The following CLASP1 variants were observed in gnomAD, a reference collection of about 807,000 sequenced individuals.
CLASP1 encodes CLIP-associating protein 1.
In CLASP1, 38 loss-of-function variants were observed where a neutral mutation model predicts 192.3. The observed-to-expected ratio is 0.20, with a 90% CI of 0.15 to 0.26. CLASP1 has a LOEUF of 0.26. Among genes scored for constraint, CLASP1 ranks in the 10% least tolerant of loss-of-function variants. The pLI, the probability that CLASP1 is intolerant of heterozygous loss-of-function variation, is 1.00. For missense variants in CLASP1, 1,433 were observed against 1,932.5 expected (o/e 0.74, Z 4.85); for synonymous variants, 691 against 712.8 (o/e 0.97, Z 0.49).
exon 19 of CLASP1, chr2:121,447,434 G>C: frequency 6.4e-7 from 1 of 1,563,644 alleles, no homozygotes; most frequent in Non-Finnish European, 8.7e-7. Flanking sequence ...TGGCTGCTGC[G>C]TTCACATCAA....
At chr2:121,537,393 AAG>A (rs2095116678) in intron 2 of CLASP1, among the ~76,000 whole-genome samples, 1 of 151,578 alleles carries the variant, frequency 6.6e-6, no homozygotes, top group Admixed American at 6.6e-5. Flanking sequence ...TCCTGTGTCC[AAG>A]AAAAAAAAAA....
intron 24 of CLASP1, among the ~76,000 whole-genome samples, chr2:121,408,089 C>T (rs578136206): frequency 1.1e-4 from 17 of 152,180 alleles, no homozygotes; most frequent in Non-Finnish European, 1.5e-4. Flanking sequence ...ACCTATCATA[C>T]AGGCTTGTTG....
At chr2:121,511,563 G>C (rs1482227727) in intron 7 of CLASP1, among the ~76,000 whole-genome samples, 4 of 151,424 alleles carry the variant, frequency 2.6e-5, no homozygotes, top group Admixed American at 2.6e-4. Context: ...ACTCCAGTCT[G>C]GGCAACAAGA....
At chr2:121,608,166 G>A (rs528998229) in intron 1 of CLASP1, among the ~76,000 whole-genome samples, 1 of 152,162 alleles carries the variant, frequency 6.6e-6, no homozygotes, top group Non-Finnish European at 1.5e-5. Context: ...AATACTTGCA[G>A]TTCCTTTATC....
chr2:121,369,157 T>C (rs2068056665), intron 34 of CLASP1, among the ~76,000 whole-genome samples: 1 of 152,238 alleles, frequency 6.6e-6, no homozygotes, highest in Admixed American at 6.5e-5. Flanking sequence ...TTGGCTCTTG[T>C]GAATAATGCT....
At chr2:121,436,362 A>AT (rs2082318428) in intron 19 of CLASP1, among the ~76,000 whole-genome samples, 1 of 143,980 alleles carries the variant, frequency 6.9e-6, no homozygotes, top group Non-Finnish European at 1.5e-5. Context: ...CAGATTTTTT[A>AT]TTTTTGTCTT....
chr2:121,555,134 C>T (rs1575940869), intron 2 of CLASP1, among the ~76,000 whole-genome samples: 2 of 152,214 alleles, frequency 1.3e-5, no homozygotes, highest in East Asian at 1.9e-4. Flanking sequence ...GGAGAGCTCA[C>T]GCTGCACACA....
At chr2:121,606,106 A>G in exon 2 of CLASP1, 1 of 566,946 alleles carries the variant, frequency 1.8e-6, no homozygotes. Context: ...AATAACTAGT[A>G]GGAGATAAAG....
intron 34 of CLASP1, among the ~76,000 whole-genome samples, chr2:121,370,740 C>G (rs1043543161): frequency 6.6e-6 from 1 of 152,196 alleles, no homozygotes; most frequent in African/African-American, 2.4e-5. Flanking sequence ...CTCCTCCTGG[C>G]CCTGCAGCTC....
chr2:121,414,085 G>A (rs900675223), intron 23 of CLASP1, among the ~76,000 whole-genome samples, 56 bp downstream of exon 24: 2 of 152,292 alleles, frequency 1.3e-5, no homozygotes, highest in East Asian at 3.9e-4. Flanking sequence ...ATGTTGACAT[G>A]GGTGTGAAAC....
intron 20 of CLASP1, among the ~76,000 whole-genome samples, chr2:121,428,495 A>G (rs2080838802): frequency 1.3e-5 from 2 of 152,196 alleles, no homozygotes; most frequent in Non-Finnish European, 2.9e-5. Context: ...ACCCATATGT[A>G]TGAGTCAAAT....
At chr2:121,602,455 A>T (rs1215262309) in intron 2 of CLASP1, among the ~76,000 whole-genome samples, 4 of 152,218 alleles carry the variant, frequency 2.6e-5, no homozygotes, top group Admixed American at 2.6e-4. Flanking sequence ...TAGAAAAAAA[A>T]GTCCTAAAAT....
intron 30 of CLASP1, among the ~76,000 whole-genome samples, chr2:121,396,733 T>C (rs994753303): frequency 1.3e-5 from 2 of 152,258 alleles, no homozygotes; most frequent in African/African-American, 2.4e-5. Flanking sequence ...ACGTTTGCTC[T>C]TTTTTAAGCA....
At position 121,469,699 on chromosome 2, in the gene CLASP1, A is replaced by C. The variant is rs926700783; in HGVS notation, c.865+109T>G. Reference sequence around the variant, plus strand: ...AGAATAGCAGGCAGAAACCTGCTGCATATGGGGACTGTATCACTTCTGAGG... The same window carrying C: ...AGAATAGCAGGCAGAAACCTGCTGCCTATGGGGACTGTATCACTTCTGAGG... On this transcript the variant is annotated intron_variant, in intron 9 of 39. Coordinates refer to ENST00000263710, the Ensembl canonical transcript of CLASP1. 3 of 1,028,322 alleles carry C rather than the reference A, an allele frequency of 2.9e-6. No individual in the cohort carries two copies. In the East Asian group the frequency reaches 8.2e-5, roughly 28 times the overall value. The allele number at this position is 1,028,322 out of a possible 1,614,324, so 63.7% of individuals were successfully genotyped here.
intron 1 of CLASP1, among the ~76,000 whole-genome samples, chr2:121,636,164 C>T (rs910330286): frequency 2.6e-5 from 4 of 151,140 alleles, no homozygotes; most frequent in Admixed American, 1.3e-4. Context: ...TGGAGAAACC[C>T]GGTCTCTACT....
At chr2:121,348,372 T>C in intron 38 of CLASP1, 140 bp downstream of exon 39, 1 of 697,548 alleles carries the variant, frequency 1.4e-6, no homozygotes, top group East Asian at 2.7e-5. Context: ...GAAGTGTCCC[T>C]GCCACACGGC....
In CLASP1 at chr2:121,514,306, C is replaced by T. The variant is rs56345195; in HGVS notation, c.644+1359G>A. ...CTGCAGCAGGGCAGGGTTTCACTCT[C>T]GAGACCTGTTTTCCCAACAATCACG... On this transcript the variant is annotated intron_variant, in intron 7 of 39. Transcript: ENST00000263710. 3.3e-3 allele frequency among the ~76,000 whole-genome samples: 499 copies of T among 152,294 alleles called. 3 individuals are homozygous for T. Among genetic ancestry groups the T allele is most frequent in the African/African-American group, 0.012 (480 of 41,566 alleles).
chr2:121,421,347 C>T (rs2079470180), intron 22 of CLASP1, among the ~76,000 whole-genome samples: 1 of 152,154 alleles, frequency 6.6e-6, no homozygotes, highest in Non-Finnish European at 1.5e-5. Context: ...CCTCCGCCTC[C>T]TGGGTTCAAG....
At chr2:121,542,428 G>A (rs2095253507) in intron 2 of CLASP1, among the ~76,000 whole-genome samples, 1 of 152,186 alleles carries the variant, frequency 6.6e-6, no homozygotes. Context: ...ACCTCACTAA[G>A]TAAGGAGAAA....
Sources: gnomAD v4.1 joint callset for allele counts (sites outside exome capture counted in the v4.1 genomes callset) on GRCh38, gnomAD v4.1.1 for gene constraint, MANE v1.5 for transcripts, NCBI Gene and HGNC (gene_info 2026-07-23, HGNC 2026-07-21) for gene names.